Variants in RAP1GAP2 observed in about 807,000 individuals in gnomAD.
RAP1GAP2 encodes the protein RAP1 GTPase activating protein 2, also known as rap1 GTPase-activating protein 2.
Under a neutral mutation model 95.0 loss-of-function variants are expected in RAP1GAP2, and 27 were observed. The ratio of observed to expected loss-of-function variants is 0.28; its 90% CI spans 0.21 to 0.39. The LOEUF (loss-of-function observed/expected upper bound fraction) is 0.39. Among genes scored for constraint, RAP1GAP2 ranks in the 10% least tolerant of loss-of-function variants. The probability of loss-of-function intolerance (pLI) is 1.00; values close to 1 mark genes in which losing one functional copy is unlikely to be tolerated. For synonymous variants in RAP1GAP2, 373 were observed against 380.9 expected, an observed-to-expected ratio of 0.98 and a Z score of 0.24; for missense variants, 771 against 970.0, an observed-to-expected ratio of 0.79 and a Z score of 2.72.
At chr17:2,846,968 T>C (rs2151583307) in intron 2 of RAP1GAP2, among the ~76,000 whole-genome samples, 1 of 152,298 alleles carries the variant, frequency 6.6e-6, no homozygotes, top group Non-Finnish European at 1.5e-5. Flanking sequence ...TAATAATGGA[T>C]TTGAGTCACC....
At position 3,018,161 on chromosome 17, in the gene RAP1GAP2, C is replaced by T. The variant is rs367545939; in HGVS notation, c.1595C>T (p.Ser532Phe). The T allele has an allele frequency of 7.0e-6, 11 of 1,577,972 alleles. No homozygotes were observed. Among genetic ancestry groups the T allele is most frequent in the South Asian group, 4.6e-5 (4 of 86,240 alleles). ...CCTGGCAGCCTCAGCGGGGGCATCT[C>T]CCACAACAGCATGGAGGTCACCAAG... Reference protein sequence around the residue: ...GIPGSLSGGISHNSMEVTKTT... With the variant: ...GIPGSLSGGIFHNSMEVTKTT... The change falls in exon 18 of 25, where the codon TCC (serine) becomes TTC (phenylalanine). Residue 532 changes from serine to phenylalanine, a missense_variant. Transcript: ENST00000254695.
intron 3 of RAP1GAP2, among the ~76,000 whole-genome samples, chr17:2,950,061 C>CTTCTTCTTCTTCTTT (rs1555575129): frequency 3.5e-5 from 5 of 141,296 alleles, no homozygotes; most frequent in East Asian, 2.1e-4. Context: ...TCTTCTTCTT[C>CTTCTTCTTCTTCTTT]TTTTTTTTTT....
chr17:3,013,268 G>A (rs930181075), intron 17 of RAP1GAP2, among the ~76,000 whole-genome samples: 1 of 152,358 alleles, frequency 6.6e-6, no homozygotes, highest in South Asian at 2.1e-4. Flanking sequence ...GGCAGGTGGA[G>A]CACAGCAGGG....
chr17:2,896,365 C>T (rs530396163), intron 2 of RAP1GAP2, among the ~76,000 whole-genome samples: 2 of 152,294 alleles, frequency 1.3e-5, no homozygotes, highest in East Asian at 3.9e-4. Context: ...CCTCCTCGCT[C>T]CCTGCTGTGG....
intron 17 of RAP1GAP2, among the ~76,000 whole-genome samples, chr17:3,017,099 T>TC (rs1027383510): frequency 1.3e-4 from 20 of 151,676 alleles, no homozygotes; most frequent in African/African-American, 4.4e-4. Flanking sequence ...TGTCAGGAAA[T>TC]CCCCCCCTGA....
chr17:2,963,796 A>C lies in RAP1GAP2; in HGVS notation c.280-60A>C. 1 of 1,409,834 alleles carries C rather than the reference A, an allele frequency of 7.1e-7. No homozygotes were observed. Among genetic ancestry groups the C allele is most frequent in the Non-Finnish European group, 9.6e-7 (1 of 1,040,616 alleles). The allele number at this position is 1,409,834 out of a possible 1,614,324, so 87.3% of individuals were successfully genotyped here. A position where few individuals can be genotyped will look rare whatever the true frequency, so the allele number is the denominator to read the frequency against. On this transcript the variant is annotated intron_variant, in intron 6 of 24. Coordinates refer to ENST00000254695, the MANE Select transcript of RAP1GAP2 (RefSeq NM_015085.5). This position sits in a 1 kb window ranked among gnomAD's most constrained non-coding sequence, Gnocchi z 4.8. ...GGAGCAGCGCAGAGGGGACACCGCC[A>C]CCGGCCCCCTCCCTCCCCTGCGGTC...
In RAP1GAP2 at chr17:2,998,415, G is replaced by A. The variant is rs760966200; in HGVS notation, c.1200+39G>A. 13 of 1,603,496 alleles carry A rather than the reference G, an allele frequency of 8.1e-6. No homozygotes were observed. The Admixed American group carries it at 1.3e-4, about 17-fold the overall frequency. ...CTTGTTGGAGGGAGTGGTGGGCCTC[G>A]ACACCTCACCCTGTGTGGATGCTGT... On this transcript the variant is annotated intron_variant, in intron 14 of 24. Coordinates refer to ENST00000254695, the MANE Select transcript of RAP1GAP2 (RefSeq NM_015085.5).
At chr17:2,953,053 G>A (rs12601571) in intron 3 of RAP1GAP2, among the ~76,000 whole-genome samples, 134,984 of 151,992 alleles carry the variant, frequency 0.89, 61,682 homozygotes, top group Non-Finnish European at 1. Context: ...TGGTCTGCCC[G>A]CCTCAGCCTC....
intron 3 of RAP1GAP2, among the ~76,000 whole-genome samples, chr17:2,957,531 A>G (rs112483445): frequency 2.0e-5 from 3 of 152,182 alleles, no homozygotes; most frequent in Non-Finnish European, 2.9e-5. Flanking sequence ...CCCCAGCACC[A>G]TTCATTTGCC....
At chr17:2,992,639 G>A (rs915340388) in intron 12 of RAP1GAP2, among the ~76,000 whole-genome samples, 3 of 152,176 alleles carry the variant, frequency 2.0e-5, no homozygotes, top group African/African-American at 4.8e-5. Context: ...CATCCCAGCA[G>A]CCAGATTGAC....
chr17:2,962,446 G>C (rs976926655), intron 4 of RAP1GAP2: 1 of 511,478 alleles, frequency 2.0e-6, no homozygotes, highest in Non-Finnish European at 3.4e-6. Context: ...TTTGAACCCC[G>C]GCGATCTGGC....
chr17:2,935,439 G>A (rs919104738), intron 3 of RAP1GAP2, among the ~76,000 whole-genome samples: 1 of 152,072 alleles, frequency 6.6e-6, no homozygotes, highest in African/African-American at 2.4e-5. Context: ...CCTGGTAGGC[G>A]GAGGTTGCAG....
intron 2 of RAP1GAP2, among the ~76,000 whole-genome samples, chr17:2,835,983 A>G (rs1335867696): frequency 1.3e-5 from 2 of 152,198 alleles, no homozygotes; most frequent in Non-Finnish European, 2.9e-5. Flanking sequence ...GACTGTGCGC[A>G]GACCGCCCCC....
chr17:2,952,830 AG>A (rs1206207841), intron 3 of RAP1GAP2, among the ~76,000 whole-genome samples: 1 of 151,562 alleles, frequency 6.6e-6, no homozygotes, highest in Non-Finnish European at 1.5e-5. Flanking sequence ...CTTTTGAGAC[AG>A]TCTCACTTTG....
At chr17:2,913,179 A>G (rs1372498567) in intron 3 of RAP1GAP2, among the ~76,000 whole-genome samples, 1 of 147,846 alleles carries the variant, frequency 6.8e-6, no homozygotes, top group East Asian at 2.2e-4. Context: ...TCCTGTTTCA[A>G]AAAAAAAGAA....
In RAP1GAP2 at chr17:2,867,981, T is replaced by G. The variant is rs2072684318; in HGVS notation, c.81-37303T>G. On this transcript the variant is annotated intron_variant, in intron 2 of 24. Coordinates refer to ENST00000254695, the MANE Select transcript of RAP1GAP2 (RefSeq NM_015085.5). This position sits in a 1 kb window ranked among gnomAD's most constrained non-coding sequence, Gnocchi z 4.5. Reference sequence around the variant, plus strand: ...AACACACTTCCTGGGCTGTCTTTTCTCTGAGTCCATTCTGAACATCAAAGC... The same window carrying G: ...AACACACTTCCTGGGCTGTCTTTTCGCTGAGTCCATTCTGAACATCAAAGC... Among the ~76,000 whole-genome samples the G allele has an allele frequency of 6.6e-6, 1 of 152,154 alleles. No homozygotes were observed. Among genetic ancestry groups the G allele is most frequent in the Admixed American group, 6.6e-5 (1 of 15,264 alleles).
intron 2 of RAP1GAP2, among the ~76,000 whole-genome samples, chr17:2,840,091 C>G (rs949531356): frequency 6.6e-6 from 1 of 152,046 alleles, no homozygotes; most frequent in African/African-American, 2.4e-5. Flanking sequence ...TGATGTTGGC[C>G]TTGGTCACCT....
rs114928030 is a variant in RAP1GAP2, at chr17:2,870,531, C to A, written c.81-34753C>A. ...GATTAAAATAAAAATCACCTTCAGT[C>A]CCACAAGGGAGACTGTAGAGATATT... On this transcript the variant is annotated intron_variant, in intron 2 of 24. Coordinates refer to ENST00000254695, the MANE Select transcript of RAP1GAP2 (RefSeq NM_015085.5). This position sits in a 1 kb window ranked among gnomAD's most constrained non-coding sequence, Gnocchi z 4.4. Among the ~76,000 whole-genome samples the A allele has an allele frequency of 0.018, 2,692 of 152,268 alleles. 69 individuals carry two copies. The highest frequency in any genetic ancestry group is 0.061 in the African/African-American group (2,528 of 41,546).
At chr17:2,791,857 C>G (rs965508234), upstream of RAP1GAP2, among the ~76,000 whole-genome samples, 2 of 136,032 alleles carry the variant, frequency 1.5e-5, no homozygotes, top group African/African-American at 5.4e-5. Context: ...CCTTTTCTCT[C>G]TTTTTTTTTT....
Sources: allele counts gnomAD v4.1 joint callset (sites outside exome capture counted in the v4.1 genomes callset), GRCh38; gene constraint gnomAD v4.1.1; non-coding constraint Gnocchi (gnomAD v3.1); transcripts MANE v1.5; gene names NCBI Gene and HGNC (gene_info 2026-07-23, HGNC 2026-07-21).